KIF18A: variants seen among roughly 807,000 people sequenced by gnomAD.
KIF18A encodes kinesin-like protein KIF18A.
KIF18A carries 67 observed loss-of-function variants against 103.3 expected under a neutral mutation model. The observed-to-expected ratio is 0.65, with a 90% CI of 0.53 to 0.79. The LOEUF is 0.79. KIF18A is among the 30% of genes least tolerant of loss of function. KIF18A has a pLI of 0.00. For missense variants in KIF18A, 1,032 were observed against 1,062.5 expected (o/e 0.97, Z 0.40); for synonymous variants, 367 against 355.5 (o/e 1.03, Z -0.36).
At chr11:28,070,219 A>C (rs534754515) in intron 10 of KIF18A, among the ~76,000 whole-genome samples, 20 of 152,320 alleles carry the variant, frequency 1.3e-4, no homozygotes, top group Admixed American at 8.5e-4. Context: ...AATCAAAAAA[A>C]AGAAGAGCAG....
chr11:28,097,743 T>C lies in KIF18A; in HGVS notation c.205A>G (p.Asn69Asp). The change falls in exon 2 of 17, where the codon AAT becomes GAT. Residue 69 changes from asparagine to aspartate, a missense_variant. Transcript: ENST00000263181. ...TCAAATACAAATTTAAGATCCTTAT[T>C]TTGTTTCTTTATAACATTTTGATTT... ...TTNQNVIKKQ[N>D]KDLKFVFDAV... 1.2e-6 allele frequency: 2 copies of C among 1,611,166 alleles called. No individual in the cohort carries two copies. The highest frequency in any genetic ancestry group is 1.7e-6 in the Non-Finnish European group (2 of 1,177,824).
chr11:28,083,354 G>A (rs1851189210), intron 7 of KIF18A, 111 bp from the exon 8 acceptor site: 1 of 1,190,286 alleles, frequency 8.4e-7, no homozygotes, highest in East Asian at 3.1e-5. Context: ...TTCAGAATTT[G>A]TGATAATTAT....
chr11:28,098,280 T>A (rs1008675803), intron 1 of KIF18A, among the ~76,000 whole-genome samples: 5 of 152,216 alleles, frequency 3.3e-5, no homozygotes, highest in Admixed American at 6.5e-5. Context: ...AGTAGGATAT[T>A]TGGCTTAAAC....
At chr11:28,022,110 A>C (rs1850253556) in intron 16 of KIF18A, among the ~76,000 whole-genome samples, 1 of 152,176 alleles carries the variant, frequency 6.6e-6, no homozygotes, top group African/African-American at 2.4e-5. Flanking sequence ...CTTACAAACT[A>C]ATACCTCTTT....
chr11:28,106,551 CAAAAAA>C (rs11301094), intron 1 of KIF18A, among the ~76,000 whole-genome samples: 2 of 82,336 alleles, frequency 2.4e-5, no homozygotes, highest in Non-Finnish European at 5.2e-5. Flanking sequence ...CAGTTGTCAG[CAAAAAA>C]AAAAAAAAAA....
intron 15 of KIF18A, among the ~76,000 whole-genome samples, chr11:28,029,010 T>C (rs546454413): frequency 3.9e-5 from 6 of 151,914 alleles, no homozygotes; most frequent in African/African-American, 9.6e-5. Context: ...AGACCAATAA[T>C]AGGCTCTGAA....
intron 9 of KIF18A, among the ~76,000 whole-genome samples, chr11:28,077,929 A>T (rs1590699546): frequency 6.6e-6 from 1 of 152,140 alleles, no homozygotes; most frequent in African/African-American, 2.4e-5. Flanking sequence ...AAATTTTATG[A>T]AAACTCTGGA....
At chr11:28,051,548 G>C (rs1481885604) in intron 13 of KIF18A, among the ~76,000 whole-genome samples, 2 of 151,864 alleles carry the variant, frequency 1.3e-5, no homozygotes, top group East Asian at 3.8e-4. Context: ...AAAAGCTTAT[G>C]AATGGAAAGG....
At chr11:28,072,516 C>T (rs989626774) in intron 10 of KIF18A, among the ~76,000 whole-genome samples, 2 of 152,098 alleles carry the variant, frequency 1.3e-5, no homozygotes, top group Admixed American at 6.6e-5. Context: ...GCAGTTTACT[C>T]ATACTACAGT....
At chr11:28,026,277 T>C (rs1016199554) in intron 15 of KIF18A, among the ~76,000 whole-genome samples, 9 of 151,760 alleles carry the variant, frequency 5.9e-5, no homozygotes, top group Non-Finnish European at 1.2e-4. Flanking sequence ...GAAATACATA[T>C]ATAGAGAGCT....
chr11:28,033,111 C>G (rs925624255), intron 15 of KIF18A, among the ~76,000 whole-genome samples: 2 of 151,766 alleles, frequency 1.3e-5, no homozygotes, highest in African/African-American at 4.8e-5. Context: ...AAAAGGTACT[C>G]AACATCACTG....
intron 15 of KIF18A, among the ~76,000 whole-genome samples, chr11:28,024,273 T>A (rs1369762604): frequency 2.0e-5 from 3 of 150,746 alleles, no homozygotes; most frequent in Non-Finnish European, 4.4e-5. Flanking sequence ...ACAAGTGAGA[T>A]TGTTTGAAAA....
chr11:28,097,898 C>T lies in KIF18A; in HGVS notation c.50G>A (p.Arg17His), dbSNP rs762099945. 4.4e-6 allele frequency: 7 copies of T among 1,605,124 alleles called. No individual in the cohort carries two copies. Among genetic ancestry groups the T allele is most frequent in the Admixed American group, 1.7e-5 (1 of 58,532 alleles). ...TTCTTTAGTGTTTTCCGGACGTACACGAACTACTACTTTCATATGGTGGCA... is the reference window on the plus strand; with the variant it reads ...TTCTTTAGTGTTTTCCGGACGTACATGAACTACTACTTTCATATGGTGGCA... The part of the protein sequence containing the change: ...DLCHHMKVVV[R>H]VRPENTKEKA... Residue 17 changes from arginine (R) to histidine (H), a missense_variant, in exon 2 of 17, where the codon CGT becomes CAT. Arg to His is a conservative substitution (Grantham distance 29, BLOSUM62 0). Transcript: ENST00000263181.
At chr11:28,042,544 A>G (rs1435114214) in intron 13 of KIF18A, among the ~76,000 whole-genome samples, 1 of 151,978 alleles carries the variant, frequency 6.6e-6, no homozygotes, top group African/African-American at 2.4e-5. Context: ...GAAAATGCAA[A>G]ATGCAAACTT....
chr11:28,077,704 G>C (rs1851112473), intron 9 of KIF18A, among the ~76,000 whole-genome samples: 1 of 152,130 alleles, frequency 6.6e-6, no homozygotes, highest in Non-Finnish European at 1.5e-5. Flanking sequence ...TTCAGAATTT[G>C]TTATAGTGAA....
At chr11:28,044,496 T>G (rs1850603311) in intron 13 of KIF18A, among the ~76,000 whole-genome samples, 1 of 152,146 alleles carries the variant, frequency 6.6e-6, no homozygotes, top group African/African-American at 2.4e-5. Flanking sequence ...AATATTTATA[T>G]GATGCTTTAA....
At position 28,039,594 on chromosome 11, in the gene KIF18A, TCA is replaced by T. The variant is rs529274871; in HGVS notation, c.1949-2932_1949-2931del. Among the ~76,000 whole-genome samples, 142 of 151,784 alleles carry T rather than the reference TCA, an allele frequency of 9.4e-4. 1 individual carries two copies. Among genetic ancestry groups the T allele is most frequent in the African/African-American group, 3.4e-3 (141 of 41,486 alleles). On this transcript the variant is annotated intron_variant, in intron 13 of 16. Coordinates refer to ENST00000263181, the MANE Select transcript of KIF18A (RefSeq NM_031217.4). ...TACTGCTAGTAAAGAGTGATAAAAA[TCA>T]CAGTCTTCTGGTAGAACACTGAAGA... is the stretch of plus-strand genomic sequence containing the variant.
At chr11:28,036,105 AAC>A (rs1457391144) in intron 14 of KIF18A, 110 bp downstream of exon 14, 11 of 615,808 alleles carry the variant, frequency 1.8e-5, no homozygotes, top group African/African-American at 3.7e-5. Context: ...ATGAAAATAA[AAC>A]AGACTGTTTT....
intron 3 of KIF18A, among the ~76,000 whole-genome samples, chr11:28,092,106 C>T (rs1393280350): frequency 6.6e-6 from 1 of 152,156 alleles, no homozygotes; most frequent in African/African-American, 2.4e-5. Flanking sequence ...TGAGCCACCG[C>T]GCCCGGCCCA....
Sources: gnomAD v4.1 joint callset for allele counts (sites outside exome capture counted in the v4.1 genomes callset) on GRCh38, gnomAD v4.1.1 for gene constraint, MANE v1.5 for transcripts, NCBI Gene and HGNC (gene_info 2026-07-23, HGNC 2026-07-21) for gene names.